INPPL1: variants seen among roughly 807,000 people sequenced by gnomAD.
INPPL1 encodes phosphatidylinositol 3,4,5-trisphosphate 5-phosphatase 2.
INPPL1 carries 91 observed loss-of-function variants against 139.3 expected under a neutral mutation model. The observed-to-expected ratio is 0.65, with a 90% confidence interval of 0.55 to 0.78. The LOEUF (loss-of-function observed/expected upper bound fraction) is 0.78, where lower values mean the gene tolerates loss of function less well. INPPL1 is among the 30% of genes least tolerant of loss of function. INPPL1 has a pLI of 0.00. For synonymous variants in INPPL1, 719 were observed against 686.6 expected, an observed-to-expected ratio of 1.05 and a Z score of -0.74; for missense variants, 1,411 against 1,665.6, an observed-to-expected ratio of 0.85 and a Z score of 2.66.
At chr11:72,231,346 C>G (rs1368647778) in intron 12 of INPPL1, 152 bp from the exon 13 acceptor site, 1 of 925,282 alleles carries the variant, frequency 1.1e-6, no homozygotes, top group East Asian at 2.4e-5. Context: ...GTCCTTCATG[C>G]CACGAGAGGA....
Position 72,230,386 on chromosome 11 carries a change from G to A in INPPL1, c.1115G>A (p.Arg372His), listed in dbSNP as rs755089930. 2.0e-5 allele frequency: 32 copies of A among 1,613,990 alleles called. No individual in the cohort carries two copies. Among genetic ancestry groups the A allele is most frequent in the Admixed American group, 6.7e-5 (4 of 60,012 alleles). ...GTCCGCCAGCTCATTAAGTCCCAGC[G>A]TGTCCAGAACAAGCTGGGTGTTGTG... Reference protein sequence around the residue: ...DRIRQLIKSQRVQNKLGVVFE... With the variant: ...DRIRQLIKSQHVQNKLGVVFE... Residue 372 changes from arginine to histidine, a missense_variant, in exon 10 of 28, where the codon CGT becomes CAT. Physicochemically the swap from Arg to His is conservative, Grantham distance 29 (BLOSUM62 0). Transcript: ENST00000298229.
Position 72,229,188 on chromosome 11 carries a change from A to C in INPPL1, c.617A>C (p.His206Pro). 6.2e-7 allele frequency: 1 copy of C among 1,613,524 alleles called. No homozygotes were observed. Among genetic ancestry groups the C allele is most frequent in the Non-Finnish European group, 8.5e-7 (1 of 1,179,794 alleles). Reference protein sequence around the residue: ...AVRGGASHLPHLTRTLATSCR... With the variant: ...AVRGGASHLPPLTRTLATSCR... ...AGGGGTGGAGCCAGCCACCTGCCCC[A>C]CCTCACCCGTACCCTCGCTACCTCA... The change falls in exon 5 of 28, where the codon CAC becomes CCC. Residue 206 changes from histidine (H) to proline (P), a missense_variant. His to Pro is a moderately conservative substitution (Grantham distance 77). Transcript: ENST00000298229.
chr11:72,225,614 C>T (rs1382197141), intron 1 of INPPL1: 1 of 803,330 alleles, frequency 1.2e-6, no homozygotes, highest in Non-Finnish European at 1.5e-6. Flanking sequence ...CCTTAGGGCC[C>T]CTTTCGGTGC....
intron 14 of INPPL1, 109 bp downstream of exon 14, chr11:72,232,445 G>C (rs895906211): frequency 1.6e-6 from 2 of 1,227,764 alleles, no homozygotes; most frequent in Non-Finnish European, 2.3e-6. Context: ...TGTCTCCAGA[G>C]ACCCCCTGCT....
Position 72,231,612 on chromosome 11 carries a change from C to CT in INPPL1, c.1613dup (p.Asn540GlufsTer12), listed in dbSNP as rs1948836883. ...TGTGAAGACTGGCATCGCCAACACC[C>CT]TGGGTAAGTGGGGCTGGCAGGTGCC... On this transcript the variant is annotated frameshift_variant, in exon 13 of 28. Coordinates refer to ENST00000298229, the MANE Select transcript of INPPL1 (RefSeq NM_001567.4). LOFTEE classifies it high-confidence loss of function. 6.2e-7 allele frequency: 1 copy of CT among 1,609,096 alleles called. No individual in the cohort carries two copies. Among genetic ancestry groups the CT allele is most frequent in the African/African-American group, 1.3e-5 (1 of 74,790 alleles).
chr11:72,237,882 A>G (rs1203001083), intron 26 of INPPL1, 86 bp downstream of exon 26: 3 of 1,487,784 alleles, frequency 2.0e-6, no homozygotes, highest in Non-Finnish European at 1.8e-6. Context: ...TTCAGCACTC[A>G]TGGTGTCCCT....
Position 72,237,289 on chromosome 11 carries a change from C to G in INPPL1, c.3045C>G (p.Asn1015Lys). 6.2e-7 allele frequency: 1 copy of G among 1,614,064 alleles called. No individual in the cohort carries two copies. The highest frequency in any genetic ancestry group is 1.1e-5 in the South Asian group (1 of 91,080). ...CCCCTGTCCCATCTGCCACCAAGAA[C>G]AAAGTGGCCATTACAGTGCCTGCTC... ...ARAPVPSATK[N>K]KVAITVPAPQ... is the part of the protein sequence containing the mutation. Residue 1015 changes from asparagine (N) to lysine (K), a missense_variant, in exon 26 of 28, where the codon AAC becomes AAG. Physicochemically the swap from Asn to Lys is moderately conservative, Grantham distance 94. Transcript: ENST00000298229.
rs768721369 is a variant in INPPL1, at chr11:72,232,620, C to A, written c.1713-6C>A. ...ACCCCTCCCCACCACGCACCCCTCA[C>A]CCTAGGAGGAACCAAAACTACTTGG... On this transcript the variant is annotated splice_region_variant and splice_polypyrimidine_tract_variant and intron_variant, in intron 14 of 27. Coordinates refer to ENST00000298229, the MANE Select transcript of INPPL1 (RefSeq NM_001567.4). 8.1e-6 allele frequency: 13 copies of A among 1,613,384 alleles called. No individual in the cohort carries two copies. The highest frequency in any genetic ancestry group is 1.0e-5 in the Non-Finnish European group (12 of 1,179,894).
chr11:72,228,192 A>G lies in INPPL1; in HGVS notation c.185A>G (p.Tyr62Cys). 6.2e-7 allele frequency: 1 copy of G among 1,614,096 alleles called. No homozygotes were observed. The highest frequency in any genetic ancestry group is 8.5e-7 in the Non-Finnish European group (1 of 1,179,974). The change falls in exon 2 of 28, where the codon TAT becomes TGT. Residue 62 changes from tyrosine (Y) to cysteine (C), a missense_variant and splice_region_variant. Tyr to Cys is a radical substitution (Grantham distance 194). Around this residue, in one of 5 missense-constraint regions of INPPL1, gnomAD observed 504 missense variants for 595.6 expected, o/e 0.85. Transcript: ENST00000298229. The surrounding 1 kb of genome is among the most constrained non-coding windows in gnomAD (Gnocchi z 5.0). Reference sequence around the variant, plus strand: ...TTCTGGCCCTGCCTTGGCATCAGGTATCAGAAGCATGTGCACACGTATCGC... The same window carrying G: ...TTCTGGCCCTGCCTTGGCATCAGGTGTCAGAAGCATGTGCACACGTATCGC... ...VAGAFALCVL[Y>C]QKHVHTYRIL...
In INPPL1 at chr11:72,231,487, T is replaced by A. The variant is rs759410679; in HGVS notation, c.1498-11T>A. 1.2e-5 allele frequency: 19 copies of A among 1,597,550 alleles called. No individual in the cohort carries two copies. Among genetic ancestry groups the A allele is most frequent in the Admixed American group, 3.3e-5 (2 of 59,982 alleles). On this transcript the variant is annotated splice_polypyrimidine_tract_variant and intron_variant, in intron 12 of 27. Coordinates refer to ENST00000298229, the MANE Select transcript of INPPL1 (RefSeq NM_001567.4). ...CAGCAGGGCAGTGGTGACCATGCAC[T>A]CTCTACCCAGATTGCCATGCAATCA...
At chr11:72,223,763 C>A (rs971863384), upstream of INPPL1, 2 of 151,556 alleles carry the variant, frequency 1.3e-5, no homozygotes, top group African/African-American at 4.8e-5. Flanking sequence ...CCCGAGGTCA[C>A]CCAGTGGGCC....
At chr11:72,225,318 T>A in intron 1 of INPPL1, 152 bp downstream of exon 1, 2 of 1,223,338 alleles carry the variant, frequency 1.6e-6, no homozygotes, top group Non-Finnish European at 2.0e-6. Flanking sequence ...TTCTCCTGGG[T>A]CTGAGGAGGG....
rs1446661324 is a variant in INPPL1, at chr11:72,233,159, C to A, written c.2036C>A (p.Thr679Asn). 1.9e-6 allele frequency: 3 copies of A among 1,613,380 alleles called. No individual in the cohort carries two copies. The highest frequency in any genetic ancestry group is 2.5e-6 in the Non-Finnish European group (3 of 1,179,752). ...DTYAWHKQKP[T>N]GVRTNVPSWC... ...TATGCCTGGCACAAGCAGAAGCCAACTGGGGTGAGCCAAGAAAACGGCATG... is the reference window on the plus strand; with the variant it reads ...TATGCCTGGCACAAGCAGAAGCCAAATGGGGTGAGCCAAGAAAACGGCATG... Residue 679 changes from threonine to asparagine, a missense_variant, in exon 17 of 28, where the codon ACT (threonine) becomes AAT (asparagine). Coordinates refer to ENST00000298229, the MANE Select transcript of INPPL1 (RefSeq NM_001567.4).
At chr11:72,231,303 C>G (rs927244883) in intron 12 of INPPL1, 114 bp downstream of exon 12, 4 of 1,087,084 alleles carry the variant, frequency 3.7e-6, no homozygotes, top group African/African-American at 1.6e-5. Flanking sequence ...TTTCTCTGGT[C>G]CCTGAGCATA....
At position 72,237,308 on chromosome 11, in the gene INPPL1, C is replaced by T; in HGVS notation, c.3064C>T (p.Pro1022Ser). 6.2e-7 allele frequency: 1 copy of T among 1,614,054 alleles called. No homozygotes were observed. ...CAAGAACAAAGTGGCCATTACAGTGCCTGCTCCACAGCTTGGGCACCACCG... is the reference window on the plus strand; with the variant it reads ...CAAGAACAAAGTGGCCATTACAGTGTCTGCTCCACAGCTTGGGCACCACCG... Reference protein sequence around the residue: ...ATKNKVAITVPAPQLGHHRHP... With the variant: ...ATKNKVAITVSAPQLGHHRHP... The change falls in exon 26 of 28, where the codon CCT (proline) becomes TCT (serine). Residue 1022 changes from proline to serine, a missense_variant. Pro to Ser is a moderately conservative substitution (Grantham distance 74). Around this residue, in one of 5 missense-constraint regions of INPPL1, gnomAD observed 438 missense variants for 425.7 expected, o/e 1.03. Coordinates refer to ENST00000298229, the MANE Select transcript of INPPL1 (RefSeq NM_001567.4).
intron 12 of INPPL1, 48 bp from the exon 13 acceptor site, chr11:72,231,450 A>G: frequency 7.2e-7 from 1 of 1,388,660 alleles, no homozygotes; most frequent in Non-Finnish European, 1.0e-6. Context: ...GGGGAAATGC[A>G]GGCAGTGGGT....
intron 1 of INPPL1, chr11:72,225,506 G>T (rs1007909989): frequency 8.4e-5 from 83 of 985,286 alleles, no homozygotes; most frequent in Non-Finnish European, 9.9e-5. Flanking sequence ...TGCATTCCAC[G>T]TTGTGTGCAG....
At position 72,228,450 on chromosome 11, in the gene INPPL1, G is replaced by A. The variant is rs1354137878; in HGVS notation, c.349G>A (p.Val117Ile). The stretch of plus-strand genomic sequence containing the variant: ...CCTTGTGTGCGCCCTGCTTCTTCCT[G>A]TAGAGGGTGAGCGAGAGCCGGACCC... The part of the protein sequence containing the change: ...QGLVCALLLP[V>I]EGEREPDPPD... Residue 117 changes from valine to isoleucine, a missense_variant, in exon 3 of 28, where the codon GTA (valine) becomes ATA (isoleucine). Around this residue, in one of 5 missense-constraint regions of INPPL1, gnomAD observed 504 missense variants for 595.6 expected, o/e 0.85. Transcript: ENST00000298229. The surrounding 1 kb of genome is among the most constrained non-coding windows in gnomAD (Gnocchi z 5.0). 17 of 1,611,840 alleles carry A rather than the reference G, an allele frequency of 1.1e-5. No individual in the cohort carries two copies. The Admixed American group carries it at 2.2e-4, about 21-fold the overall frequency.
In INPPL1 at chr11:72,231,102, G is replaced by A. The variant is rs771331290; in HGVS notation, c.1410G>A (p.Gly470=). The change falls in exon 12 of 28, where the codon GGG becomes GGA. Residue 470 remains glycine (G), a synonymous_variant. Coordinates refer to ENST00000298229, the MANE Select transcript of INPPL1 (RefSeq NM_001567.4). ...TACCCCATGACATCTATGTCTTTGG[G>A]ACCCAGGAGAACTCAGTGGGCGACC... ...VTIPHDIYVF[G]TQENSVGDRE... The A allele has an allele frequency of 3.1e-6, 5 of 1,614,006 alleles. No homozygotes were observed. The highest frequency in any genetic ancestry group is 1.6e-4 in the Middle Eastern group (1 of 6,062).
Sources: gnomAD v4.1 joint callset for allele counts on GRCh38, gnomAD v4.1.1 for gene constraint, gnomAD v4.1.1 regional missense constraint, Gnocchi (gnomAD v3.1) non-coding constraint, MANE v1.5 for transcripts, NCBI Gene and HGNC (gene_info 2026-07-23, HGNC 2026-07-21) for gene names.